CYP19A1: variants seen among roughly 807,000 people sequenced by gnomAD.
CYP19A1 encodes aromatase.
A neutral mutation model predicts 44.4 loss-of-function variants in CYP19A1; 32 were observed. That is an observed-to-expected ratio of 0.72 (90% CI 0.54 to 0.97). The LOEUF is 0.97. Ranked by LOEUF, CYP19A1 falls within the 50% of genes least tolerant of loss-of-function variation. The pLI, the probability that CYP19A1 is intolerant of heterozygous loss-of-function variation, is 0.00. For missense variants in CYP19A1, 598 were observed against 637.8 expected (o/e 0.94, Z 0.67); for synonymous variants, 212 against 215.6 (o/e 0.98, Z 0.14).
intron 2 of CYP19A1, among the ~76,000 whole-genome samples, chr15:51,237,991 A>G (rs2033514795): frequency 6.6e-6 from 1 of 152,230 alleles, no homozygotes. Context: ...TTCTCACCTT[A>G]CGGGCAAAAG....
At chr15:51,212,088 G>C (rs946828661) in intron 9 of CYP19A1, among the ~76,000 whole-genome samples, 4 of 152,184 alleles carry the variant, frequency 2.6e-5, no homozygotes, top group Non-Finnish European at 5.9e-5. Context: ...GACCTATTTT[G>C]TGGCCACCAT....
At chr15:51,266,959 C>A (rs2034942436) in intron 1 of CYP19A1, among the ~76,000 whole-genome samples, 1 of 152,110 alleles carries the variant, frequency 6.6e-6, no homozygotes. Context: ...AAATTGAGAC[C>A]CTCAGCCTTA....
chr15:51,284,331 C>T (rs1292155562), intron 1 of CYP19A1, among the ~76,000 whole-genome samples: 1 of 152,204 alleles, frequency 6.6e-6, no homozygotes, highest in Non-Finnish European at 1.5e-5. Context: ...TATTATTGCT[C>T]TAAATCAATG....
rs2031100611 is a variant in CYP19A1, at chr15:51,212,448, C to T, written c.1135G>A (p.Glu379Lys). The stretch of plus-strand genomic sequence containing the variant: ...GGGTAGCCATCGATTACATCATCTT[C>T]TAAGGCTTTGCGCATGACCAAGTCC... ...VVDLVMRKAL[E>K]DDVIDGYPVK... Residue 379 changes from glutamate to lysine, a missense_variant, in exon 9 of 10, where the codon GAA (glutamate) becomes AAA (lysine). Glu to Lys is a moderately conservative substitution (Grantham distance 56). Transcript: ENST00000396402. 2 of 1,611,292 alleles carry T rather than the reference C, an allele frequency of 1.2e-6. No individual in the cohort carries two copies. Among genetic ancestry groups the T allele is most frequent in the East Asian group, 4.5e-5 (2 of 44,860 alleles).
At chr15:51,248,412 A>G (rs2034160341) in intron 1 of CYP19A1, among the ~76,000 whole-genome samples, 2 of 152,332 alleles carry the variant, frequency 1.3e-5, no homozygotes, top group South Asian at 2.1e-4. Context: ...GCCAGGCCAT[A>G]AGCTACCTCT....
chr15:51,317,159 T>C (rs2141018313), intron 1 of CYP19A1, among the ~76,000 whole-genome samples: 1 of 151,210 alleles, frequency 6.6e-6, no homozygotes, highest in South Asian at 2.1e-4. Context: ...TAGAGTGCAA[T>C]AGCACATTCT....
At chr15:51,302,536 A>T (rs1168425921) in intron 1 of CYP19A1, among the ~76,000 whole-genome samples, 1 of 152,210 alleles carries the variant, frequency 6.6e-6, no homozygotes, top group East Asian at 1.9e-4. Flanking sequence ...AAGCAGGCAA[A>T]GCGTGATCCT....
At position 51,265,943 on chromosome 15, in the gene CYP19A1, G is replaced by A. The variant is rs28757144; in HGVS notation, c.-38-22993C>T. ...GAGCCAGTCAGGCTACAGGCTAGAG[G>A]ATATGCCTGGTCTGGATAAATCTAG... On this transcript the variant is annotated intron_variant, in intron 1 of 9. Transcript: ENST00000396402. 9.2e-3 allele frequency among the ~76,000 whole-genome samples: 1,394 copies of A among 152,304 alleles called. 24 individuals are homozygous for A. Among genetic ancestry groups the A allele is most frequent in the African/African-American group, 0.032 (1,336 of 41,552 alleles).
chr15:51,250,385 C>CT (rs2034260830), intron 1 of CYP19A1, among the ~76,000 whole-genome samples: 1 of 152,228 alleles, frequency 6.6e-6, no homozygotes, highest in Non-Finnish European at 1.5e-5. Context: ...TATTGGCTGA[C>CT]TACCAGCAAG....
rs745465006 is a variant in CYP19A1 at position 51,215,163 on chromosome 15, T to A, written c.928A>T (p.Thr310Ser). The A allele has an allele frequency of 6.2e-7, 1 of 1,614,116 alleles. No individual in the cohort carries two copies. The highest frequency in any genetic ancestry group is 8.5e-7 in the Non-Finnish European group (1 of 1,179,990). Residue 310 changes from threonine to serine, a missense_variant, in exon 8 of 10, where the codon ACC becomes TCC. Thr to Ser is a moderately conservative substitution (Grantham distance 58). Coordinates refer to ENST00000396402, the MANE Select transcript of CYP19A1 (RefSeq NM_000103.4). ...ATGAAGAACAAAGAGACAGACATGG[T>A]GTCAGGAGCTGCGATCAGCATTTCC... is the stretch of plus-strand genomic sequence containing the variant. The part of the protein sequence containing the change: ...ILEMLIAAPD[T>S]MSVSLFFMLF...
At chr15:51,305,855 G>A (rs771591687) in intron 1 of CYP19A1, among the ~76,000 whole-genome samples, 166 of 152,208 alleles carry the variant, frequency 1.1e-3, no homozygotes, top group Non-Finnish European at 1.6e-3. Flanking sequence ...GCCACTGCGC[G>A]CCACCTTGTA....
At chr15:51,294,611 G>A (rs1471520598) in intron 1 of CYP19A1, among the ~76,000 whole-genome samples, 4 of 147,636 alleles carry the variant, frequency 2.7e-5, no homozygotes, top group Admixed American at 6.7e-5. Context: ...CCGGCCAGCT[G>A]CCCTGTCCGG....
intron 1 of CYP19A1, among the ~76,000 whole-genome samples, chr15:51,302,802 C>A (rs909007687): frequency 6.6e-6 from 1 of 152,230 alleles, no homozygotes; most frequent in Non-Finnish European, 1.5e-5. Context: ...AGTCCCACAA[C>A]CCTTGAAATT....
chr15:51,210,804 T>C lies in CYP19A1; in HGVS notation c.*4A>G, dbSNP rs1159698133. ...GCTCCAGAGTGGGTACTGACCAGCCTTCTCTAGTGTTCCAGACACCTGTCT... is the reference window on the plus strand; with the variant it reads ...GCTCCAGAGTGGGTACTGACCAGCCCTCTCTAGTGTTCCAGACACCTGTCT... On this transcript the variant is annotated 3_prime_UTR_variant, in exon 10 of 10. Transcript: ENST00000396402. 6.4e-7 allele frequency: 1 copy of C among 1,566,758 alleles called. No individual in the cohort carries two copies. The highest frequency in any genetic ancestry group is 1.1e-5 in the South Asian group (1 of 90,246).
chr15:51,270,879 G>A (rs770679622), intron 1 of CYP19A1, among the ~76,000 whole-genome samples: 3 of 152,094 alleles, frequency 2.0e-5, no homozygotes, highest in Non-Finnish European at 4.4e-5. Flanking sequence ...CATTCAGCAC[G>A]TGGCCCTGTG....
At chr15:51,235,930 C>T (rs188252167) in intron 3 of CYP19A1, among the ~76,000 whole-genome samples, 85 of 152,328 alleles carry the variant, frequency 5.6e-4, no homozygotes, top group African/African-American at 2.0e-3. Context: ...TAAAAGTCTA[C>T]TAAAGCTGGC....
chr15:51,280,252 T>C (rs963988755), intron 1 of CYP19A1, among the ~76,000 whole-genome samples: 2 of 150,840 alleles, frequency 1.3e-5, no homozygotes, highest in Non-Finnish European at 2.9e-5. Context: ...CCCGCCACCA[T>C]GCCCGGCTAA....
chr15:51,260,196 C>G (rs894754042), intron 1 of CYP19A1, among the ~76,000 whole-genome samples: 2 of 152,166 alleles, frequency 1.3e-5, no homozygotes, highest in African/African-American at 4.8e-5. Context: ...TGATATACGA[C>G]ACAGATTCAG....
chr15:51,217,028 T>A (rs559674747), intron 6 of CYP19A1, among the ~76,000 whole-genome samples: 1 of 152,354 alleles, frequency 6.6e-6, no homozygotes, highest in East Asian at 1.9e-4. Context: ...CTAATTGACA[T>A]GTTCACCTAT....
Sources: allele counts gnomAD v4.1 joint callset (sites outside exome capture counted in the v4.1 genomes callset), GRCh38; gene constraint gnomAD v4.1.1; transcripts MANE v1.5; gene names NCBI Gene and HGNC (gene_info 2026-07-23, HGNC 2026-07-21).